The following KCNMB2 variants were observed in gnomAD, a reference collection of about 807,000 sequenced individuals.
The protein encoded by KCNMB2 is potassium calcium-activated channel subfamily M regulatory beta subunit 2, also known as calcium-activated potassium channel subunit beta-2.
In KCNMB2, 9 loss-of-function variants were observed where a neutral mutation model predicts 24.5. That is an observed-to-expected ratio of 0.37 (90% CI 0.22 to 0.64). The LOEUF is 0.64. KCNMB2 is among the 30% of genes least tolerant of loss of function. The probability of loss-of-function intolerance (pLI) is 0.63; values close to 1 mark genes in which losing one functional copy is unlikely to be tolerated. For synonymous variants in KCNMB2, 109 were observed against 104.4 expected (o/e 1.04, Z -0.27); for missense variants, 226 against 284.3 (o/e 0.79, Z 1.47).
intron 1 of KCNMB2, among the ~76,000 whole-genome samples, chr3:178,556,413 T>C (rs1434572552): frequency 6.6e-6 from 1 of 152,202 alleles, no homozygotes; most frequent in Non-Finnish European, 1.5e-5. Flanking sequence ...TTTTTGTTGT[T>C]GTTTTTCTGA....
rs1293808043 is a variant in KCNMB2, at chr3:178,758,503, T to C, written c.-67-48840T>C. Among the ~76,000 whole-genome samples, 7 of 52,982 alleles carry C rather than the reference T, an allele frequency of 1.3e-4. 1 individual carries two copies. Among genetic ancestry groups the C allele is most frequent in the African/African-American group, 6.6e-4 (7 of 10,536 alleles). The allele number at this position is 52,982 out of a possible 152,430, so 34.8% of individuals were successfully genotyped here. A position where few individuals can be genotyped will look rare whatever the true frequency, so the allele number is the denominator to read the frequency against. ...CTCCAAGAGGTGATTGATATATATA[T>C]ATATATATCTCCAAGAGGAGATGTA... On this transcript the variant is annotated intron_variant, in intron 1 of 4. Coordinates refer to ENST00000452583, the MANE Select transcript of KCNMB2 (RefSeq NM_181361.3).
chr3:178,740,530 A>C (rs1344775140), intron 1 of KCNMB2, among the ~76,000 whole-genome samples: 1 of 152,242 alleles, frequency 6.6e-6, no homozygotes, highest in African/African-American at 2.4e-5. Flanking sequence ...AGAATGTGTT[A>C]AAGCTTACTT....
In KCNMB2 at chr3:178,760,492, T is replaced by C. The variant is rs147108795; in HGVS notation, c.-67-46851T>C. ...ATATATATATATTATATATATAATG[T>C]ATCTCCAAGAGTTTCGTGTGTGTGT... is the stretch of plus-strand genomic sequence containing the variant. On this transcript the variant is annotated intron_variant, in intron 1 of 4. Transcript: ENST00000452583. Among the ~76,000 whole-genome samples, 331 of 120,980 alleles carry C rather than the reference T, an allele frequency of 2.7e-3. 1 individual carries two copies. Among genetic ancestry groups the C allele is most frequent in the Non-Finnish European group, 4.8e-3 (270 of 55,996 alleles). The allele number at this position is 120,980 out of a possible 152,430, so 79.4% of individuals were successfully genotyped here.
In KCNMB2 at chr3:178,808,762, G is replaced by A. The variant is rs372097864; in HGVS notation, c.56+1297G>A. Among the ~76,000 whole-genome samples, 62 of 152,270 alleles carry A rather than the reference G, an allele frequency of 4.1e-4. 1 individual carries two copies. In the South Asian group the frequency reaches 0.01, roughly 25 times the overall value. The stretch of plus-strand genomic sequence containing the variant: ...AAAAAAGCAAGTTGAAAATTTGCAT[G>A]CAAACTACGATTGCAGCCACAAAAA... On this transcript the variant is annotated intron_variant, in intron 2 of 4. Transcript: ENST00000452583.
intron 1 of KCNMB2, among the ~76,000 whole-genome samples, chr3:178,733,853 C>CA (rs1329092431): frequency 7.2e-5 from 11 of 151,962 alleles, no homozygotes; most frequent in African/African-American, 4.8e-5. Flanking sequence ...ACAATAAAAG[C>CA]AAAAAAACTC....
intron 1 of KCNMB2, among the ~76,000 whole-genome samples, chr3:178,645,518 G>A (rs558386869): frequency 1.3e-5 from 2 of 152,186 alleles, no homozygotes; most frequent in Non-Finnish European, 2.9e-5. Context: ...AGTCAATGAA[G>A]GGGAAAATAT....
intron 1 of KCNMB2, among the ~76,000 whole-genome samples, chr3:178,667,545 A>G (rs1263063846): frequency 1.1e-4 from 17 of 152,120 alleles, no homozygotes; most frequent in Admixed American, 1.1e-3. Flanking sequence ...TTCATTTCTT[A>G]TAAACTACTC....
chr3:178,753,428 G>A (rs1723916150), intron 1 of KCNMB2, among the ~76,000 whole-genome samples: 1 of 152,078 alleles, frequency 6.6e-6, no homozygotes, highest in Admixed American at 6.6e-5. Context: ...TGTCTATAAG[G>A]TAGTAATAAC....
chr3:178,808,550 C>G (rs990911388), intron 2 of KCNMB2, among the ~76,000 whole-genome samples: 1 of 152,088 alleles, frequency 6.6e-6, no homozygotes, highest in Non-Finnish European at 1.5e-5. Context: ...CTTCTAAAAC[C>G]TGAATTGCCT....
chr3:178,705,791 G>GC (rs1175742174), intron 1 of KCNMB2, among the ~76,000 whole-genome samples: 1 of 152,096 alleles, frequency 6.6e-6, no homozygotes, highest in East Asian at 1.9e-4. Flanking sequence ...CAGTTAAAAG[G>GC]AAATACCAAA....
In KCNMB2 at chr3:178,658,170, A is replaced by G. The variant is rs115391184; in HGVS notation, c.-68+121459A>G. 3.2e-3 allele frequency among the ~76,000 whole-genome samples: 492 copies of G among 152,354 alleles called. 3 individuals carry two copies. The highest frequency in any genetic ancestry group is 0.012 in the African/African-American group (480 of 41,584). ...GGAAGAGAAATAAGGAAAGGAAGTGATGACAAAGACATAGATGATGAGAGG... is the reference window on the plus strand; with the variant it reads ...GGAAGAGAAATAAGGAAAGGAAGTGGTGACAAAGACATAGATGATGAGAGG... On this transcript the variant is annotated intron_variant, in intron 1 of 4. Coordinates refer to ENST00000452583, the MANE Select transcript of KCNMB2 (RefSeq NM_181361.3).
At chr3:178,802,908 G>A (rs2108448811) in intron 1 of KCNMB2, among the ~76,000 whole-genome samples, 1 of 152,162 alleles carries the variant, frequency 6.6e-6, no homozygotes, top group East Asian at 1.9e-4. Context: ...AAATGTACAA[G>A]TACAAAGTGA....
intron 1 of KCNMB2, among the ~76,000 whole-genome samples, chr3:178,602,824 T>C (rs967744266): frequency 6.6e-6 from 1 of 152,154 alleles, no homozygotes; most frequent in Non-Finnish European, 1.5e-5. Flanking sequence ...CCCCAGCGTT[T>C]CTGATGTTAT....
chr3:178,726,618 T>C (rs988005354), intron 1 of KCNMB2, among the ~76,000 whole-genome samples: 1 of 151,994 alleles, frequency 6.6e-6, no homozygotes, highest in Non-Finnish European at 1.5e-5. Context: ...ATACACTGCA[T>C]CTAAAGAACA....
chr3:178,694,713 A>G (rs1721811636), intron 1 of KCNMB2, among the ~76,000 whole-genome samples: 1 of 152,204 alleles, frequency 6.6e-6, no homozygotes, highest in Admixed American at 6.5e-5. Context: ...TCTCAAATCC[A>G]TGTAATGCTG....
chr3:178,584,733 A>G (rs1367086441), intron 1 of KCNMB2, among the ~76,000 whole-genome samples: 1 of 152,156 alleles, frequency 6.6e-6, no homozygotes, highest in Non-Finnish European at 1.5e-5. Flanking sequence ...AGTTTGTATG[A>G]AAATTCATCC....
Position 178,645,027 on chromosome 3 carries a change from C to G in KCNMB2, c.-68+108316C>G, listed in dbSNP as rs141524852. On this transcript the variant is annotated intron_variant, in intron 1 of 4. Transcript: ENST00000452583. ...TCTTTTTCTAATGGTAGTTCCCCTC[C>G]CTTGTTTAAGATCCAAGATTTTTTT... 1.6e-4 allele frequency among the ~76,000 whole-genome samples: 24 copies of G among 151,638 alleles called. No homozygotes were observed. In the East Asian group the frequency reaches 4.6e-3, roughly 29 times the overall value.
chr3:178,831,265 A>G (rs1356934153), intron 4 of KCNMB2, among the ~76,000 whole-genome samples: 2 of 152,164 alleles, frequency 1.3e-5, no homozygotes, highest in African/African-American at 2.4e-5. Context: ...AAAAAATAAC[A>G]GATAATGGTG....
chr3:178,818,816 T>C (rs1714506999), intron 2 of KCNMB2, among the ~76,000 whole-genome samples: 1 of 152,172 alleles, frequency 6.6e-6, no homozygotes, highest in South Asian at 2.1e-4. Flanking sequence ...CAAGATCCTT[T>C]TTCTCTGGTG....
Sources: gnomAD v4.1 joint callset for allele counts (sites outside exome capture counted in the v4.1 genomes callset) on GRCh38, gnomAD v4.1.1 for gene constraint, MANE v1.5 for transcripts, NCBI Gene and HGNC (gene_info 2026-07-23, HGNC 2026-07-21) for gene names.